Variants in PLEKHG3 observed in about 807,000 individuals in gnomAD.
The protein encoded by PLEKHG3 is pleckstrin homology domain-containing family G member 3.
A neutral mutation model predicts 94.9 loss-of-function variants in PLEKHG3; 62 were observed. The ratio of observed to expected loss-of-function variants is 0.65; its 90% CI spans 0.53 to 0.81. PLEKHG3 has a LOEUF of 0.81. Ranked by LOEUF, PLEKHG3 falls within the 30% of genes least tolerant of loss-of-function variation. The pLI is 0.00. For synonymous variants in PLEKHG3, 614 were observed against 654.0 expected (o/e 0.94, Z 0.93); for missense variants, 1,461 against 1,619.3 (o/e 0.90, Z 1.68).
chr14:64,715,802 C>T lies in PLEKHG3; in HGVS notation c.-40+11098C>T. The T allele has an allele frequency of 2.9e-6, 1 of 341,456 alleles. No homozygotes were observed. Among genetic ancestry groups the T allele is most frequent in the Non-Finnish European group, 5.8e-6 (1 of 172,864 alleles). 21.2% of individuals were successfully genotyped at this position (341,456 alleles called of 1,614,324 possible). A position where few individuals can be genotyped will look rare whatever the true frequency, so the allele number is the denominator to read the frequency against. Reference sequence around the variant, plus strand: ...GCCTGGGTCCCTACCCAGCGGGGACCTGCAGAATTGTGTCGGGAAGTTGCA... The same window carrying T: ...GCCTGGGTCCCTACCCAGCGGGGACTTGCAGAATTGTGTCGGGAAGTTGCA... On this transcript the variant is annotated intron_variant, in intron 1 of 16. Transcript: ENST00000247226. This position sits in a 1 kb window ranked among gnomAD's most constrained non-coding sequence, Gnocchi z 4.4.
At position 64,738,790 on chromosome 14, in the gene PLEKHG3, A is replaced by AGT; in HGVS notation, c.1455_1456dup (p.Gly486ValfsTer12). The AGT allele has an allele frequency of 6.2e-7, 1 of 1,600,784 alleles. No individual in the cohort carries two copies. Among genetic ancestry groups the AGT allele is most frequent in the Non-Finnish European group, 8.5e-7 (1 of 1,173,368 alleles). On this transcript the variant is annotated frameshift_variant, in exon 15 of 17. Transcript: ENST00000247226. LOFTEE classifies it high-confidence loss of function. The surrounding 1 kb of genome is among the most constrained non-coding windows in gnomAD (Gnocchi z 4.8). ...AAGCTCCAGGAGCAGCAGAAGGCCC[A>AGT]GTGGCCGGTCTCCAACCAGTACTGA...
At position 64,731,451 on chromosome 14, in the gene PLEKHG3, G is replaced by C; in HGVS notation, c.940G>C (p.Val314Leu). The change falls in exon 8 of 17, where the codon GTG becomes CTG. Residue 314 changes from valine (V) to leucine (L), a missense_variant. This residue lies in a region of PLEKHG3 where 1,201 missense variants were observed against 1,295.5 expected (regional missense o/e 0.93). Coordinates refer to ENST00000247226, the MANE Select transcript of PLEKHG3 (RefSeq NM_001308147.2). The surrounding 1 kb of genome is among the most constrained non-coding windows in gnomAD (Gnocchi z 6.1). The part of the protein sequence containing the change: ...VLEGTFRVHR[V>L]RNERTFFLFD... The stretch of plus-strand genomic sequence containing the variant: ...GGAGGGCACATTCCGCGTGCATCGC[G>C]TGCGCAATGAAAGGACCTTTTTCCT... 1 of 1,613,792 alleles carries C rather than the reference G, an allele frequency of 6.2e-7. No individual in the cohort carries two copies. Among genetic ancestry groups the C allele is most frequent in the Non-Finnish European group, 8.5e-7 (1 of 1,179,674 alleles).
Position 64,730,987 on chromosome 14 carries a change from G to GCCTCCCA in PLEKHG3, c.717+38_717+39insCCTCCCA, listed in dbSNP as rs1312171770. On this transcript the variant is annotated intron_variant, in intron 6 of 16. Coordinates refer to ENST00000247226, the MANE Select transcript of PLEKHG3 (RefSeq NM_001308147.2). The surrounding 1 kb of genome is among the most constrained non-coding windows in gnomAD (Gnocchi z 5.4). The stretch of plus-strand genomic sequence containing the variant: ...TCCTCCCAAGCACCTAGGGCCTGGG[G>GCCTCCCA]AGGGCAGGGCCTTCGGGTCAGGGGC... 1 of 1,613,526 alleles carries GCCTCCCA rather than the reference G, an allele frequency of 6.2e-7. No individual in the cohort carries two copies. Among genetic ancestry groups the GCCTCCCA allele is most frequent in the Non-Finnish European group, 8.5e-7 (1 of 1,179,986 alleles).
chr14:64,731,371 C>T lies in PLEKHG3; in HGVS notation c.860C>T (p.Ser287Leu). 1 of 1,613,320 alleles carries T rather than the reference C, an allele frequency of 6.2e-7. No homozygotes were observed. The highest frequency in any genetic ancestry group is 8.5e-7 in the Non-Finnish European group (1 of 1,179,700). ...EHAVRLQEIQ[S>L]LLINWKGPDL... ...GCCCCTCTGCTGCAGGAGATTCAGT[C>T]ACTCCTCATCAACTGGAAGGGGCCC... Residue 287 changes from serine (S) to leucine (L), a missense_variant, in exon 8 of 17, where the codon TCA becomes TTA. By Grantham distance (145) the Ser-to-Leu change is moderately radical (BLOSUM62 -2). Coordinates refer to ENST00000247226, the MANE Select transcript of PLEKHG3 (RefSeq NM_001308147.2). The surrounding 1 kb of genome is among the most constrained non-coding windows in gnomAD (Gnocchi z 6.1).
At chr14:64,712,627 G>T (rs1338965956) in intron 1 of PLEKHG3, among the ~76,000 whole-genome samples, 1 of 152,140 alleles carries the variant, frequency 6.6e-6, no homozygotes, top group Non-Finnish European at 1.5e-5. Flanking sequence ...CATTGCTAGT[G>T]TACAGGAATA....
intron 1 of PLEKHG3, among the ~76,000 whole-genome samples, chr14:64,711,654 C>A (rs553401847): frequency 6.6e-6 from 1 of 152,248 alleles, no homozygotes; most frequent in African/African-American, 2.4e-5. Context: ...CCTTGTGATG[C>A]GCCTGCCTTG....
chr14:64,727,451 C>CT lies in PLEKHG3; in HGVS notation c.-39-138dup. 1.7e-6 allele frequency: 1 copy of CT among 582,772 alleles called. No homozygotes were observed. Among genetic ancestry groups the CT allele is most frequent in the Non-Finnish European group, 3.1e-6 (1 of 325,964 alleles). 36.1% of individuals were successfully genotyped at this position (582,772 alleles called of 1,614,324 possible). A position where few individuals can be genotyped will look rare whatever the true frequency, so the allele number is the denominator to read the frequency against. On this transcript the variant is annotated intron_variant, in intron 1 of 16. Coordinates refer to ENST00000247226, the MANE Select transcript of PLEKHG3 (RefSeq NM_001308147.2). The surrounding 1 kb of genome is among the most constrained non-coding windows in gnomAD (Gnocchi z 6.0). Reference sequence around the variant, plus strand: ...TGTCATCACTGTCTATCCACAGAACCTTTTCATCTTCTAAAACTGAACTCT... The same window carrying CT: ...TGTCATCACTGTCTATCCACAGAACCTTTTTCATCTTCTAAAACTGAACTCT...
rs773711691 is a variant in PLEKHG3 at position 64,731,542 on chromosome 14, C to T, written c.1031C>T (p.Pro344Leu). Residue 344 changes from proline (P) to leucine (L), a missense_variant and splice_region_variant, in exon 8 of 17, where the codon CCG (proline) becomes CTG (leucine). Physicochemically the swap from Pro to Leu is moderately conservative, Grantham distance 98. Transcript: ENST00000247226. This position sits in a 1 kb window ranked among gnomAD's most constrained non-coding sequence, Gnocchi z 6.1. ...GDHFVYKGNI[P>L]CSSLMLIEST... ...CACTTTGTCTACAAGGGCAACATCC[C>T]GGTAACCAGGCCCTGCCCCATCTCC... 33 of 1,613,714 alleles carry T rather than the reference C, an allele frequency of 2.0e-5. No individual in the cohort carries two copies. Among genetic ancestry groups the T allele is most frequent in the East Asian group, 4.5e-5 (2 of 44,862 alleles).
chr14:64,742,494 A>G (rs771008819), intron 16 of PLEKHG3, 39 bp downstream of exon 16: 2 of 1,459,248 alleles, frequency 1.4e-6, no homozygotes, highest in African/African-American at 1.4e-5. Context: ...CCCCAAGTCT[A>G]GGGACTGAAG....
In PLEKHG3 at chr14:64,716,451, C is replaced by CACACACACACACA. The variant is rs2081149781; in HGVS notation, c.-39-11141_-39-11129dup. 7.5e-6 allele frequency among the ~76,000 whole-genome samples: 1 copy of CACACACACACACA among 132,582 alleles called. No homozygotes were observed. Among genetic ancestry groups the CACACACACACACA allele is most frequent in the Non-Finnish European group, 1.6e-5 (1 of 62,196 alleles). 87.0% of individuals were successfully genotyped at this position (132,582 alleles called of 152,430 possible). Reference sequence around the variant, plus strand: ...GTAGGGCCCTACACACACACACACACACACACACACACACAACACACACAC... The same window carrying CACACACACACACA: ...GTAGGGCCCTACACACACACACACACACACACACACACAACACACACACACACAACACACACAC... On this transcript the variant is annotated intron_variant, in intron 1 of 16. Transcript: ENST00000247226. The surrounding 1 kb of genome is among the most constrained non-coding windows in gnomAD (Gnocchi z 5.0).
Position 64,728,879 on chromosome 14 carries a change from A to G in PLEKHG3, c.352-117A>G, listed in dbSNP as rs2081403204. On this transcript the variant is annotated intron_variant, in intron 2 of 16. Transcript: ENST00000247226. This position sits in a 1 kb window ranked among gnomAD's most constrained non-coding sequence, Gnocchi z 5.9. ...TGAATTTTGGGGTGGACACTGTCTC[A>G]CAGTAGGCAATGTCCGTGAAGTGGT... 2 of 536,746 alleles carry G rather than the reference A, an allele frequency of 3.7e-6. No individual in the cohort carries two copies. The highest frequency in any genetic ancestry group is 6.7e-6 in the Non-Finnish European group (2 of 298,174). 33.2% of individuals were successfully genotyped at this position (536,746 alleles called of 1,614,324 possible).
chr14:64,749,091 T>C lies in PLEKHG3; in HGVS notation c.*5388T>C, dbSNP rs2081898016. On this transcript the variant is annotated 3_prime_UTR_variant, in exon 17 of 17. Transcript: ENST00000247226. The surrounding 1 kb of genome is among the most constrained non-coding windows in gnomAD (Gnocchi z 4.7). ...CAGAGGAGCTGGGAGCCCCTGTCCC[T>C]GGAGCGGAGCCAGCGCGGGCGAGGG... 2.0e-6 allele frequency: 1 copy of C among 501,844 alleles called. No individual in the cohort carries two copies. Among genetic ancestry groups the C allele is most frequent in the Non-Finnish European group, 3.5e-6 (1 of 289,616 alleles). 31.1% of individuals were successfully genotyped at this position (501,844 alleles called of 1,614,324 possible). A position where few individuals can be genotyped will look rare whatever the true frequency, so the allele number is the denominator to read the frequency against.
Position 64,726,575 on chromosome 14 carries a change from C to T in PLEKHG3, c.-39-1018C>T, listed in dbSNP as rs1460648002. On this transcript the variant is annotated intron_variant, in intron 1 of 16. Coordinates refer to ENST00000247226, the MANE Select transcript of PLEKHG3 (RefSeq NM_001308147.2). The surrounding 1 kb of genome is among the most constrained non-coding windows in gnomAD (Gnocchi z 5.1). ...CCATCCCCCGGCTGCTCCAGGTGGG[C>T]CTGCCTGTGAGCCACACCATCTGCT... is the stretch of plus-strand genomic sequence containing the variant. Among the ~76,000 whole-genome samples, 2 of 152,194 alleles carry T rather than the reference C, an allele frequency of 1.3e-5. No homozygotes were observed. The highest frequency in any genetic ancestry group is 4.8e-5 in the African/African-American group (2 of 41,432).
Position 64,732,491 on chromosome 14 carries a change from C to G in PLEKHG3, c.1246+31C>G, listed in dbSNP as rs1257233933. 4 of 1,595,926 alleles carry G rather than the reference C, an allele frequency of 2.5e-6. No homozygotes were observed. In the South Asian group the frequency reaches 3.3e-5, roughly 13 times the overall value. ...TGTACCCTTTTCTGCCTGTTTTGTC[C>G]CTAATCGTGCACATTGCTAGGTCAG... On this transcript the variant is annotated intron_variant, in intron 11 of 16. Coordinates refer to ENST00000247226, the MANE Select transcript of PLEKHG3 (RefSeq NM_001308147.2). This position sits in a 1 kb window ranked among gnomAD's most constrained non-coding sequence, Gnocchi z 4.9.
rs143017607 is a variant in PLEKHG3 at position 64,741,363 on chromosome 14, C to T, written c.1846C>T (p.Arg616Trp). 2.5e-4 allele frequency: 409 copies of T among 1,613,466 alleles called. No homozygotes were observed. The East Asian group carries it at 7.2e-3, about 29-fold the overall frequency. ...GCGATTTGTCAGCAGCTTCTCTCGG[C>T]GGAGCAGCGTGGCACAGGAGGACAG... is the stretch of plus-strand genomic sequence containing the variant. ...AERFVSSFSR[R>W]SSVAQEDSKS... is the part of the protein sequence containing the mutation. The change falls in exon 16 of 17, where the codon CGG (arginine) becomes TGG (tryptophan). Residue 616 changes from arginine to tryptophan, a missense_variant. Arg to Trp is a moderately radical substitution (Grantham distance 101). Transcript: ENST00000247226.
In PLEKHG3 at chr14:64,743,578, G is replaced by A. The variant is rs2081766598; in HGVS notation, c.3535G>A (p.Asp1179Asn). Residue 1179 changes from aspartate to asparagine, a missense_variant, in exon 17 of 17, where the codon GAC becomes AAC. By Grantham distance (23) the Asp-to-Asn change is conservative. Coordinates refer to ENST00000247226, the MANE Select transcript of PLEKHG3 (RefSeq NM_001308147.2). This position sits in a 1 kb window ranked among gnomAD's most constrained non-coding sequence, Gnocchi z 7.2. ...SPVALLGQVQDFQQSAECQPK... is the reference protein window; with the variant it reads ...SPVALLGQVQNFQQSAECQPK... ...GGTGGCCCTGCTGGGGCAGGTTCAG[G>A]ACTTCCAGCAGTCTGCAGAGTGCCA... 4 of 1,612,878 alleles carry A rather than the reference G, an allele frequency of 2.5e-6. No individual in the cohort carries two copies. Among genetic ancestry groups the A allele is most frequent in the Non-Finnish European group, 1.7e-6 (2 of 1,179,994 alleles).
chr14:64,725,682 G>A lies in PLEKHG3; in HGVS notation c.-39-1911G>A, dbSNP rs915218173. Among the ~76,000 whole-genome samples, 2 of 152,162 alleles carry A rather than the reference G, an allele frequency of 1.3e-5. No individual in the cohort carries two copies. Among genetic ancestry groups the A allele is most frequent in the Non-Finnish European group, 2.9e-5 (2 of 68,028 alleles). On this transcript the variant is annotated intron_variant, in intron 1 of 16. Transcript: ENST00000247226. The surrounding 1 kb of genome is among the most constrained non-coding windows in gnomAD (Gnocchi z 5.0). ...CCCTCTGGGCATTGCACTGGGCTGC[G>A]GAGGGGAGCACTGGGCTGCCACTGA...
At position 64,729,538 on chromosome 14, in the gene PLEKHG3, A is replaced by G. The variant is rs117632842; in HGVS notation, c.449+445A>G. 9.1e-3 allele frequency among the ~76,000 whole-genome samples: 1,383 copies of G among 152,320 alleles called. 12 individuals carry two copies. The highest frequency in any genetic ancestry group is 0.013 in the Non-Finnish European group (913 of 68,022). ...CAGGCAAGACACATGTGGGAAGCCAAACAAGGCCTGACCAGGGGCTGTGTC... is the reference window on the plus strand; with the variant it reads ...CAGGCAAGACACATGTGGGAAGCCAGACAAGGCCTGACCAGGGGCTGTGTC... On this transcript the variant is annotated intron_variant, in intron 3 of 16. Coordinates refer to ENST00000247226, the MANE Select transcript of PLEKHG3 (RefSeq NM_001308147.2).
rs2081166385 is a variant in PLEKHG3 at position 64,716,550 on chromosome 14, CAA to C, written c.-39-11041_-39-11040del. 7.0e-6 allele frequency among the ~76,000 whole-genome samples: 1 copy of C among 142,734 alleles called. No individual in the cohort carries two copies. Among genetic ancestry groups the C allele is most frequent in the Admixed American group, 7.1e-5 (1 of 14,110 alleles). The allele number at this position is 142,734 out of a possible 152,430, so 93.6% of individuals were successfully genotyped here. A position where few individuals can be genotyped will look rare whatever the true frequency, so the allele number is the denominator to read the frequency against. On this transcript the variant is annotated intron_variant, in intron 1 of 16. Transcript: ENST00000247226. The surrounding 1 kb of genome is among the most constrained non-coding windows in gnomAD (Gnocchi z 5.0). ...ACACACACACACACACACACACACACAAAGCAGAGTTAATCTCCCACTTCTTC... is the reference window on the plus strand; with the variant it reads ...ACACACACACACACACACACACACACAGCAGAGTTAATCTCCCACTTCTTC...
Sources: gnomAD v4.1 joint callset for allele counts (sites outside exome capture counted in the v4.1 genomes callset) on GRCh38, gnomAD v4.1.1 for gene constraint, gnomAD v4.1.1 regional missense constraint, Gnocchi (gnomAD v3.1) non-coding constraint, MANE v1.5 for transcripts, NCBI Gene and HGNC (gene_info 2026-07-23, HGNC 2026-07-21) for gene names.